EXOC2: variants seen among roughly 807,000 people sequenced by gnomAD.
The protein encoded by EXOC2 is exocyst complex component 2.
EXOC2 carries 70 observed loss-of-function variants against 131.8 expected under a neutral mutation model. The ratio of observed to expected loss-of-function variants is 0.53; its 90% CI spans 0.44 to 0.65. EXOC2 has a LOEUF of 0.65. EXOC2 is among the 30% of genes least tolerant of loss of function. EXOC2 has a pLI of 0.00. For synonymous variants in EXOC2, 411 were observed against 398.4 expected (o/e 1.03, Z -0.38); for missense variants, 923 against 1,108.6 (o/e 0.83, Z 2.38).
intron 3 of EXOC2, among the ~76,000 whole-genome samples, chr6:631,904 A>C (rs1761878214): frequency 6.6e-6 from 1 of 152,242 alleles, no homozygotes; most frequent in Non-Finnish European, 1.5e-5. Flanking sequence ...TAATCTAGGA[A>C]TTTGTGGAGA....
intron 1 of EXOC2, among the ~76,000 whole-genome samples, chr6:665,096 A>C (rs1228538378): frequency 6.6e-6 from 1 of 152,200 alleles, no homozygotes; most frequent in Admixed American, 6.5e-5. Flanking sequence ...AAGAAAAAAA[A>C]CAATCACATC....
intron 11 of EXOC2, among the ~76,000 whole-genome samples, chr6:589,487 A>G (rs1223110748): frequency 6.6e-6 from 1 of 152,200 alleles, no homozygotes; most frequent in Admixed American, 6.5e-5. Flanking sequence ...ACTTCCCTGG[A>G]CTTCCCCTCA....
At chr6:515,757 A>C (rs1765125212) in intron 23 of EXOC2, among the ~76,000 whole-genome samples, 2 of 150,778 alleles carry the variant, frequency 1.3e-5, no homozygotes, top group African/African-American at 4.9e-5. Flanking sequence ...CCTAGGAGGG[A>C]GCGAGAAGCC....
At chr6:574,277 G>C (rs982898304) in intron 12 of EXOC2, among the ~76,000 whole-genome samples, 3 of 152,218 alleles carry the variant, frequency 2.0e-5, no homozygotes, top group African/African-American at 7.2e-5. Context: ...ACCTGTGGTT[G>C]TAATTTTGAT....
chr6:630,859 C>G (rs541355489), intron 3 of EXOC2, among the ~76,000 whole-genome samples: 2 of 152,298 alleles, frequency 1.3e-5, no homozygotes, highest in South Asian at 2.1e-4. Context: ...GAACGCATGG[C>G]TTGTATAATG....
Position 486,605 on chromosome 6 carries a change from G to C in EXOC2, c.*66C>G. On this transcript the variant is annotated 3_prime_UTR_variant, in exon 28 of 28. Coordinates refer to ENST00000230449, the MANE Select transcript of EXOC2 (RefSeq NM_018303.6). ...TGTTTAATACACCAAATACCTTTAGGGTACTTAGAGAGTGAACAGTCTTAT... is the reference window on the plus strand; with the variant it reads ...TGTTTAATACACCAAATACCTTTAGCGTACTTAGAGAGTGAACAGTCTTAT... 1 of 1,365,638 alleles carries C rather than the reference G, an allele frequency of 7.3e-7. No individual in the cohort carries two copies. Among genetic ancestry groups the C allele is most frequent in the African/African-American group, 1.4e-5 (1 of 69,520 alleles). 84.6% of individuals were successfully genotyped at this position (1,365,638 alleles called of 1,614,324 possible). A position where few individuals can be genotyped will look rare whatever the true frequency, so the allele number is the denominator to read the frequency against.
intron 21 of EXOC2, 39 bp from the exon 22 acceptor site, chr6:549,330 G>C (rs1757026431): frequency 6.9e-7 from 1 of 1,443,166 alleles, no homozygotes; most frequent in Admixed American, 1.7e-5. Context: ...CACCTTTATG[G>C]TGCCAGAGAG....
At chr6:643,233 A>G (rs977184854) in intron 1 of EXOC2, among the ~76,000 whole-genome samples, 1 of 152,240 alleles carries the variant, frequency 6.6e-6, no homozygotes, top group Non-Finnish European at 1.5e-5. Context: ...CATAGAAGAT[A>G]TGAACAGCAC....
Position 564,230 on chromosome 6 carries a change from T to C in EXOC2, c.1668-76A>G, listed in dbSNP as rs1015947531. ...AATCCCTAGCATCTCTTTCACTGTATAATCATTCCTCACGGAGCTTACGAG... is the reference window on the plus strand; with the variant it reads ...AATCCCTAGCATCTCTTTCACTGTACAATCATTCCTCACGGAGCTTACGAG... On this transcript the variant is annotated intron_variant, in intron 15 of 27. Coordinates refer to ENST00000230449, the MANE Select transcript of EXOC2 (RefSeq NM_018303.6). 1.4e-5 allele frequency: 21 copies of C among 1,555,312 alleles called. No homozygotes were observed. In the Admixed American group the frequency reaches 3.5e-4, roughly 26 times the overall value.
intron 1 of EXOC2, among the ~76,000 whole-genome samples, chr6:638,599 T>A (rs2127717600): frequency 6.6e-6 from 1 of 152,322 alleles, no homozygotes; most frequent in Middle Eastern, 3.4e-3. Context: ...GGATAATCCT[T>A]GGAAAGCCCA....
chr6:497,613 G>T, intron 24 of EXOC2, 124 bp from the exon 25 acceptor site: 1 of 1,263,312 alleles, frequency 7.9e-7, no homozygotes, highest in South Asian at 2.0e-5. Context: ...ATTTTTAAAA[G>T]GCCAAAATTA....
chr6:539,002 G>A (rs372792098), intron 22 of EXOC2, among the ~76,000 whole-genome samples: 19 of 151,966 alleles, frequency 1.3e-4, no homozygotes, highest in African/African-American at 1.9e-4. Context: ...CCCGGGAGGC[G>A]GAGGTTGCAG....
intron 1 of EXOC2, among the ~76,000 whole-genome samples, chr6:651,875 G>A (rs558247383): frequency 7.4e-4 from 112 of 151,822 alleles, no homozygotes; most frequent in African/African-American, 2.5e-3. Flanking sequence ...GATGAACATA[G>A]TGAAACCCCA....
intron 22 of EXOC2, among the ~76,000 whole-genome samples, chr6:546,853 G>C (rs1029749414): frequency 2.0e-5 from 3 of 152,206 alleles, no homozygotes; most frequent in Non-Finnish European, 4.4e-5. Flanking sequence ...TTTTAGGGTG[G>C]TCAAAAGTTA....
At chr6:630,014 T>C (rs1561946141) in intron 3 of EXOC2, 53 bp from the exon 4 acceptor site, 2 of 1,598,432 alleles carry the variant, frequency 1.3e-6, no homozygotes, top group East Asian at 2.3e-5. Flanking sequence ...CCCAGGCACC[T>C]TCTACGTCTG....
At chr6:546,920 G>T (rs1207508774) in intron 22 of EXOC2, among the ~76,000 whole-genome samples, 1 of 152,184 alleles carries the variant, frequency 6.6e-6, no homozygotes, top group Admixed American at 6.5e-5. Context: ...GTTGTTTAAG[G>T]GTCAACTGTA....
chr6:679,830 A>T (rs1764319730), intron 1 of EXOC2, among the ~76,000 whole-genome samples: 1 of 152,252 alleles, frequency 6.6e-6, no homozygotes. Flanking sequence ...ACGAATAAAT[A>T]AATAGGCAGA....
intron 22 of EXOC2, among the ~76,000 whole-genome samples, chr6:544,035 G>C (rs1756699467): frequency 6.6e-6 from 1 of 152,202 alleles, no homozygotes; most frequent in African/African-American, 2.4e-5. Flanking sequence ...CAAATGCTCA[G>C]AGAACAGAAA....
In EXOC2 at chr6:547,761, G is replaced by C. The variant is rs1185669384; in HGVS notation, c.2238+1414C>G. 3.3e-5 allele frequency among the ~76,000 whole-genome samples: 5 copies of C among 152,034 alleles called. No individual in the cohort carries two copies. In the South Asian group the frequency reaches 1.0e-3, roughly 32 times the overall value. The stretch of plus-strand genomic sequence containing the variant: ...GAAAAAAAAATCCAAATTCTGAGTG[G>C]GAAAGAGCCTACCATTTATACTGCT... On this transcript the variant is annotated intron_variant, in intron 22 of 27. Coordinates refer to ENST00000230449, the MANE Select transcript of EXOC2 (RefSeq NM_018303.6).
Sources: gnomAD v4.1 joint callset for allele counts (sites outside exome capture counted in the v4.1 genomes callset) on GRCh38, gnomAD v4.1.1 for gene constraint, MANE v1.5 for transcripts, NCBI Gene and HGNC (gene_info 2026-07-23, HGNC 2026-07-21) for gene names.